Variants in GPN1 observed in about 807,000 individuals in gnomAD.
GPN1 encodes the protein ATP(GTP)-binding protein.
A neutral mutation model predicts 55.9 loss-of-function variants in GPN1; 44 were observed. The ratio of observed to expected loss-of-function variants is 0.79; its 90% CI spans 0.62 to 1.01. The LOEUF is 1.01. Ranked by LOEUF, GPN1 falls within the 50% of genes least tolerant of loss-of-function variation. The pLI, the probability that GPN1 is intolerant of heterozygous loss-of-function variation, is 0.00. For missense variants in GPN1, 466 were observed against 462.8 expected (o/e 1.01, Z -0.06); for synonymous variants, 179 against 162.5 (o/e 1.10, Z -0.77).
Position 27,643,401 on chromosome 2 carries a change from ACT to A in GPN1, c.931+885_931+886del, listed in dbSNP as rs1460780900. Among the ~76,000 whole-genome samples the A allele has an allele frequency of 3.3e-5, 5 of 152,036 alleles. No homozygotes were observed. The highest frequency in any genetic ancestry group is 6.6e-5 in the Admixed American group (1 of 15,262). ...CATTTGAGTAAGTTACAGATATAAT[ACT>A]CTTTTACCTTGAATAATTCAGTGTC... On this transcript the variant is annotated intron_variant, in intron 12 of 13. Coordinates refer to ENST00000610189, the MANE Select transcript of GPN1 (RefSeq NM_007266.4). The surrounding 1 kb of genome is among the most constrained non-coding windows in gnomAD (Gnocchi z 4.0).
chr2:27,647,190 C>T (rs988310729), intron 12 of GPN1, among the ~76,000 whole-genome samples: 1 of 152,300 alleles, frequency 6.6e-6, no homozygotes, highest in East Asian at 1.9e-4. Flanking sequence ...GCTGAGCTCT[C>T]GCAAGCCTCA....
At chr2:27,629,030 A>G (rs201162392), upstream of GPN1, 220 of 1,613,752 alleles carry the variant, frequency 1.4e-4, no homozygotes, top group Non-Finnish European at 1.7e-4. Flanking sequence ...CGGTGTCTCT[A>G]TGGTCGGGTG....
chr2:27,629,479 T>A, intron 1 of GPN1: 1 of 1,292,588 alleles, frequency 7.7e-7, no homozygotes, highest in Non-Finnish European at 1.1e-6. Flanking sequence ...AATACAGTGC[T>A]AGCACACAGG....
chr2:27,634,943 G>A lies in GPN1; in HGVS notation c.429+19G>A. The A allele has an allele frequency of 7.0e-7, 1 of 1,434,932 alleles. No homozygotes were observed. The highest frequency in any genetic ancestry group is 9.8e-7 in the Non-Finnish European group (1 of 1,016,166). 88.9% of individuals were successfully genotyped at this position (1,434,932 alleles called of 1,614,324 possible). On this transcript the variant is annotated intron_variant, in intron 6 of 13. Transcript: ENST00000610189. ...AGCCCTTGTGAGTATTCTAGGACTT[G>A]CTACTGAGAGTAGCTAGAGGGGCTA...
Position 27,629,909 on chromosome 2 carries a change from C to T in GPN1, c.162C>T (p.Asn54=). ...HAQGTPPYVI[N]LDPAVHEVPF... ...AAGGCACTCCACCGTATGTGATCAA[C>T]CTGGATCCAGCAGTACATGAAGTTC... The change falls in exon 2 of 14, where the codon AAC becomes AAT. Residue 54 remains asparagine, a synonymous_variant. Coordinates refer to ENST00000610189, the MANE Select transcript of GPN1 (RefSeq NM_007266.4). The T allele has an allele frequency of 1.9e-6, 3 of 1,610,230 alleles. No individual in the cohort carries two copies. The highest frequency in any genetic ancestry group is 2.6e-6 in the Non-Finnish European group (3 of 1,176,380).
chr2:27,638,291 T>G (rs2148071012), intron 8 of GPN1, 36 bp downstream of exon 8: 1 of 1,206,366 alleles, frequency 8.3e-7, no homozygotes, highest in South Asian at 1.2e-5. Context: ...TCACCATTTT[T>G]CATCAGAACC....
At chr2:27,632,020 T>G (rs1179473610) in intron 4 of GPN1, 120 bp downstream of exon 4, 1 of 708,316 alleles carries the variant, frequency 1.4e-6, no homozygotes, top group African/African-American at 1.8e-5. Context: ...AGAAAATAAG[T>G]AGGCATTTTG....
In GPN1 at chr2:27,650,268, T is replaced by A; in HGVS notation, c.*68T>A. ...TTGGACCTCCACGTGAAAGAACTGTTCTTACCTCTGAACTGGGGGCTCCCA... is the reference window on the plus strand; with the variant it reads ...TTGGACCTCCACGTGAAAGAACTGTACTTACCTCTGAACTGGGGGCTCCCA... On this transcript the variant is annotated 3_prime_UTR_variant, in exon 14 of 14. Coordinates refer to ENST00000610189, the MANE Select transcript of GPN1 (RefSeq NM_007266.4). 2.3e-6 allele frequency: 2 copies of A among 871,534 alleles called. No homozygotes were observed. The highest frequency in any genetic ancestry group is 1.9e-6 in the Non-Finnish European group (1 of 524,502). 54.0% of individuals were successfully genotyped at this position (871,534 alleles called of 1,614,324 possible).
chr2:27,633,241 T>A (rs1673616695), intron 5 of GPN1, among the ~76,000 whole-genome samples: 1 of 152,226 alleles, frequency 6.6e-6, no homozygotes, highest in Non-Finnish European at 1.5e-5. Context: ...CATTCCACAT[T>A]TCTATATACA....
intron 13 of GPN1, among the ~76,000 whole-genome samples, chr2:27,649,784 G>A (rs1452381002): frequency 2.0e-5 from 3 of 152,090 alleles, no homozygotes; most frequent in African/African-American, 7.2e-5. Flanking sequence ...ACTGATATTT[G>A]GGTAGATTTT....
chr2:27,632,735 G>T, intron 5 of GPN1, 65 bp downstream of exon 5: 1 of 1,028,184 alleles, frequency 9.7e-7, no homozygotes, highest in Non-Finnish European at 1.5e-6. Flanking sequence ...CTTCATGGAG[G>T]ATCTGGGATA....
At chr2:27,635,033 G>C in intron 6 of GPN1, 107 bp from the exon 7 acceptor site, 1 of 950,736 alleles carries the variant, frequency 1.1e-6, no homozygotes, top group Non-Finnish European at 1.7e-6. Flanking sequence ...TAGAAGCTCT[G>C]CACACCCTGC....
chr2:27,642,723 C>G (rs1674007550), intron 12 of GPN1, among the ~76,000 whole-genome samples: 1 of 152,018 alleles, frequency 6.6e-6, no homozygotes, highest in African/African-American at 2.4e-5. Context: ...TGCCACCACA[C>G]CCGGCTAATT....
At position 27,638,273 on chromosome 2, in the gene GPN1, G is replaced by T. The variant is rs765308292; in HGVS notation, c.570+18G>T. On this transcript the variant is annotated intron_variant, in intron 8 of 13. Coordinates refer to ENST00000610189, the MANE Select transcript of GPN1 (RefSeq NM_007266.4). ...TGAATAAAGTAAGTGTATTCTTCCT[G>T]TTGTGATTCACCATTTTTCATCAGA... 6 of 1,435,962 alleles carry T rather than the reference G, an allele frequency of 4.2e-6. No homozygotes were observed. Among genetic ancestry groups the T allele is most frequent in the Non-Finnish European group, 5.9e-6 (6 of 1,018,296 alleles). 89.0% of individuals were successfully genotyped at this position (1,435,962 alleles called of 1,614,324 possible).
chr2:27,636,581 G>A (rs1433437422), intron 7 of GPN1, among the ~76,000 whole-genome samples: 2 of 151,954 alleles, frequency 1.3e-5, no homozygotes. Context: ...TGCAATTTCC[G>A]CCTACTGGGT....
intron 13 of GPN1, among the ~76,000 whole-genome samples, chr2:27,648,306 G>A (rs1267021228): frequency 6.6e-6 from 1 of 152,098 alleles, no homozygotes; most frequent in African/African-American, 2.4e-5. Context: ...GATTGCTTGA[G>A]GCCAGGAGTT....
At chr2:27,636,783 TATTA>T (rs1209846898) in intron 7 of GPN1, among the ~76,000 whole-genome samples, 1 of 152,212 alleles carries the variant, frequency 6.6e-6, no homozygotes. Flanking sequence ...CCCATTTTCA[TATTA>T]ATTGTTTAAA....
chr2:27,630,021 C>G, intron 2 of GPN1, 69 bp downstream of exon 2: 1 of 898,314 alleles, frequency 1.1e-6, no homozygotes, highest in Non-Finnish European at 1.9e-6. Context: ...GGCGTGGTGG[C>G]TCACGGCTGT....
At chr2:27,646,463 A>G (rs547560510) in intron 12 of GPN1, among the ~76,000 whole-genome samples, 1 of 152,256 alleles carries the variant, frequency 6.6e-6, no homozygotes, top group East Asian at 1.9e-4. Context: ...TGATTTCTGT[A>G]TATTCATCTT....
Sources: gnomAD v4.1 joint callset for allele counts (sites outside exome capture counted in the v4.1 genomes callset) on GRCh38, gnomAD v4.1.1 for gene constraint, Gnocchi (gnomAD v3.1) non-coding constraint, MANE v1.5 for transcripts, NCBI Gene and HGNC (gene_info 2026-07-23, HGNC 2026-07-21) for gene names.